Variants in MCC observed in about 807,000 individuals in gnomAD.
MCC encodes colorectal mutant cancer protein.
Under a neutral mutation model 116.2 loss-of-function variants are expected in MCC, and 90 were observed. The observed-to-expected ratio is 0.77, with a 90% CI of 0.65 to 0.92. MCC has a LOEUF of 0.92. MCC is among the 40% of genes least tolerant of loss of function. MCC has a pLI of 0.00. For missense variants in MCC, 1,516 were observed against 1,312.2 expected (o/e 1.16, Z -2.40); for synonymous variants, 578 against 510.5 (o/e 1.13, Z -1.78).
intron 3 of MCC, among the ~76,000 whole-genome samples, chr5:113,216,711 C>T (rs188575800): frequency 1.3e-5 from 2 of 152,328 alleles, no homozygotes; most frequent in East Asian, 3.9e-4. Flanking sequence ...GATGAAATTT[C>T]TATTCTTTTG....
chr5:113,474,445 C>T (rs899996754), intron 1 of MCC, among the ~76,000 whole-genome samples: 7 of 152,094 alleles, frequency 4.6e-5, no homozygotes, highest in African/African-American at 1.4e-4. Flanking sequence ...CAGCCTGGGA[C>T]GCTGCAGTGA....
At chr5:113,471,226 G>A (rs1355421134) in intron 1 of MCC, among the ~76,000 whole-genome samples, 1 of 152,214 alleles carries the variant, frequency 6.6e-6, no homozygotes, top group African/African-American at 2.4e-5. Flanking sequence ...GAGGAGCTGT[G>A]TTCCTTTGGA....
At chr5:113,237,817 G>A (rs1018020901) in intron 3 of MCC, among the ~76,000 whole-genome samples, 2 of 152,284 alleles carry the variant, frequency 1.3e-5, no homozygotes, top group East Asian at 1.9e-4. Context: ...ACACACTGCC[G>A]GTGATTTAAT....
chr5:113,022,772 G>C lies in MCC; in HGVS notation c.*4530C>G, dbSNP rs1475479547. 1 of 152,232 alleles carries C rather than the reference G, an allele frequency of 6.6e-6. No individual in the cohort carries two copies. Among genetic ancestry groups the C allele is most frequent in the Non-Finnish European group, 1.5e-5 (1 of 68,048 alleles). The allele number at this position is 152,232 out of a possible 1,614,324, so 9.4% of individuals were successfully genotyped here. On this transcript the variant is annotated 3_prime_UTR_variant, in exon 19 of 19. Transcript: ENST00000408903. The stretch of plus-strand genomic sequence containing the variant: ...ATAACTTGCTTTGTTCTGCTGAGCT[G>C]ATATTTCACCTGATTAGCAGATGGA...
intron 5 of MCC, 31 bp downstream of exon 5, chr5:113,143,187 G>T: frequency 6.4e-7 from 1 of 1,567,584 alleles, no homozygotes; most frequent in East Asian, 2.3e-5. Context: ...TAGCAGAAGG[G>T]GCAGAGTAAA....
intron 17 of MCC, among the ~76,000 whole-genome samples, chr5:113,031,690 C>T (rs184296848): frequency 2.1e-3 from 319 of 152,268 alleles, no homozygotes; most frequent in Non-Finnish European, 3.1e-3. Flanking sequence ...CTCCCTCCCC[C>T]ACTCCTATCC....
chr5:113,245,053 A>G (rs1662024427), intron 3 of MCC, among the ~76,000 whole-genome samples: 1 of 152,154 alleles, frequency 6.6e-6, no homozygotes, highest in Non-Finnish European at 1.5e-5. Context: ...GCACTTTGGG[A>G]GGCTGAGGCA....
chr5:113,267,415 C>A (rs1319774229), intron 3 of MCC, among the ~76,000 whole-genome samples: 5 of 152,170 alleles, frequency 3.3e-5, no homozygotes, highest in African/African-American at 1.2e-4. Flanking sequence ...TATATAAAAT[C>A]CACCCATCAG....
chr5:113,333,846 T>C (rs56080696), intron 3 of MCC, among the ~76,000 whole-genome samples: 5,742 of 62,420 alleles, frequency 0.092, 1,619 homozygotes, highest in African/African-American at 0.34. Context: ...TATATATGTA[T>C]ATATGTACAT....
In MCC at chr5:113,101,550, T is replaced by C. The variant is rs542005216; in HGVS notation, c.1398+189A>G. 9 of 589,936 alleles carry C rather than the reference T, an allele frequency of 1.5e-5. No homozygotes were observed. The African/African-American group carries it at 1.7e-4, about 11-fold the overall frequency. 36.5% of individuals were successfully genotyped at this position (589,936 alleles called of 1,614,324 possible). The stretch of plus-strand genomic sequence containing the variant: ...AGAGAAAAGTGTTTGCTTTTTTTTT[T>C]TAAATCTTACCTCTATACCTTAGCA... On this transcript the variant is annotated intron_variant, in intron 8 of 18. Coordinates refer to ENST00000408903, the MANE Select transcript of MCC (RefSeq NM_001085377.2).
chr5:113,269,330 T>G (rs1765530004), intron 3 of MCC: 1 of 368,630 alleles, frequency 2.7e-6, no homozygotes, highest in African/African-American at 2.3e-5. Context: ...AATGATACCT[T>G]AACTGATAAA....
intron 17 of MCC, among the ~76,000 whole-genome samples, chr5:113,038,286 T>G (rs541307843): frequency 1.3e-5 from 2 of 152,208 alleles, no homozygotes; most frequent in South Asian, 4.1e-4. Context: ...GTTGAGATAA[T>G]TTAGGGACCA....
intron 1 of MCC, among the ~76,000 whole-genome samples, chr5:113,465,224 G>A (rs1231074586): frequency 2.0e-5 from 3 of 151,230 alleles, no homozygotes; most frequent in Non-Finnish European, 2.9e-5. Flanking sequence ...GATCCATAAT[G>A]AGATGCAAAT....
At chr5:113,215,447 T>G (rs769672334) in intron 3 of MCC, among the ~76,000 whole-genome samples, 3 of 152,194 alleles carry the variant, frequency 2.0e-5, no homozygotes, top group Non-Finnish European at 4.4e-5. Flanking sequence ...GTATTGAAAC[T>G]CAGTGGCCAA....
At chr5:113,456,088 TAATAA>T (rs1771537853) in intron 1 of MCC, among the ~76,000 whole-genome samples, 1 of 152,184 alleles carries the variant, frequency 6.6e-6, no homozygotes, top group Non-Finnish European at 1.5e-5. Flanking sequence ...GCAATTAAAA[TAATAA>T]AATAAAACCG....
At chr5:113,376,998 C>A (rs187615073) in intron 2 of MCC, among the ~76,000 whole-genome samples, 2 of 152,122 alleles carry the variant, frequency 1.3e-5, no homozygotes, top group Non-Finnish European at 2.9e-5. Context: ...GGCTACCCGA[C>A]AGAATGGCTG....
intron 16 of MCC, chr5:113,048,798 A>T (rs1301131617): frequency 4.0e-6 from 2 of 503,268 alleles, no homozygotes; most frequent in Non-Finnish European, 7.0e-6. Flanking sequence ...AGAGGATTAG[A>T]CGAAGGAGGT....
intron 13 of MCC, among the ~76,000 whole-genome samples, chr5:113,064,639 A>G (rs1019464971): frequency 6.6e-6 from 1 of 152,200 alleles, no homozygotes; most frequent in Non-Finnish European, 1.5e-5. Context: ...TGGGGGCAAG[A>G]GAGACAAAAC....
intron 3 of MCC, among the ~76,000 whole-genome samples, chr5:113,306,540 T>G (rs1766989072): frequency 6.6e-6 from 1 of 152,218 alleles, no homozygotes; most frequent in Non-Finnish European, 1.5e-5. Flanking sequence ...AAATGTTTAT[T>G]CAAATCCTTT....
Sources: allele counts gnomAD v4.1 joint callset (sites outside exome capture counted in the v4.1 genomes callset), GRCh38; gene constraint gnomAD v4.1.1; transcripts MANE v1.5; gene names NCBI Gene and HGNC (gene_info 2026-07-23, HGNC 2026-07-21).